The following GTF2IRD1 variants were observed in gnomAD, a reference collection of about 807,000 sequenced individuals.
GTF2IRD1 encodes general transcription factor II-I repeat domain-containing protein 1.
Under a neutral mutation model 113.2 loss-of-function variants are expected in GTF2IRD1, and 26 were observed. That is an observed-to-expected ratio of 0.23 (90% confidence interval 0.17 to 0.32). The LOEUF (loss-of-function observed/expected upper bound fraction) is 0.32. Ranked by LOEUF, GTF2IRD1 falls within the 10% of genes least tolerant of loss-of-function variation. The probability of loss-of-function intolerance (pLI) is 1.00; values close to 1 mark genes in which losing one functional copy is unlikely to be tolerated. For synonymous variants in GTF2IRD1, 484 were observed against 529.1 expected (o/e 0.91, Z 1.17); for missense variants, 864 against 1,280.8 (o/e 0.67, Z 4.97).
rs112672332 is a variant in GTF2IRD1, at chr7:74,456,221, G to A, written c.-7+2045G>A. On this transcript the variant is annotated intron_variant, in intron 1 of 26. Transcript: ENST00000424337. ...TGACTCCAGAGGCCAGGCCATCCAC[G>A]GTTTGGTGACAGCTTGGTTGTTGGA... Among the ~76,000 whole-genome samples, 972 of 152,192 alleles carry A rather than the reference G, an allele frequency of 6.4e-3. 10 individuals carry two copies. The highest frequency in any genetic ancestry group is 0.022 in the African/African-American group (915 of 41,524).
chr7:74,482,958 G>A (rs1399428148), intron 1 of GTF2IRD1, among the ~76,000 whole-genome samples: 8 of 152,200 alleles, frequency 5.3e-5, no homozygotes, highest in Non-Finnish European at 8.8e-5. Flanking sequence ...ACTGCCCATC[G>A]TCAAAGAAAT....
intron 1 of GTF2IRD1, among the ~76,000 whole-genome samples, chr7:74,474,590 G>T (rs1308831348): frequency 6.6e-6 from 1 of 152,200 alleles, no homozygotes; most frequent in African/African-American, 2.4e-5. Flanking sequence ...GCTGGCCCCT[G>T]ACTCTTTGTG....
Position 74,522,900 on chromosome 7 carries a change from C to T in GTF2IRD1, c.1007-1171C>T, listed in dbSNP as rs190834424. ...TAACAAGTTAAAGTTGTTACTTTTACTGATTATAAATGAACCAATGATCAC... is the reference window on the plus strand; with the variant it reads ...TAACAAGTTAAAGTTGTTACTTTTATTGATTATAAATGAACCAATGATCAC... On this transcript the variant is annotated intron_variant, in intron 7 of 26. Transcript: ENST00000424337. 3.9e-5 allele frequency among the ~76,000 whole-genome samples: 6 copies of T among 152,270 alleles called. No homozygotes were observed. In the East Asian group the frequency reaches 1.2e-3, roughly 29 times the overall value.
At chr7:74,590,038 TC>T (rs1554368987) in intron 23 of GTF2IRD1, 110 bp downstream of exon 23, 2 of 668,766 alleles carry the variant, frequency 3.0e-6, no homozygotes, top group Non-Finnish European at 2.7e-6. Context: ...GGCTGCCTGC[TC>T]CCTGGTGACA....
intron 1 of GTF2IRD1, among the ~76,000 whole-genome samples, chr7:74,490,546 C>T (rs4998497): frequency 2.7e-5 from 4 of 149,066 alleles, no homozygotes; most frequent in East Asian, 1.9e-4. Flanking sequence ...AAGGATACCC[C>T]CCCCCCCGCC....
rs782292862 is a variant in GTF2IRD1, at chr7:74,529,724, G to A, written c.1091-10G>A. 75 of 1,613,414 alleles carry A rather than the reference G, an allele frequency of 4.6e-5. No homozygotes were observed. The highest frequency in any genetic ancestry group is 5.9e-5 in the Non-Finnish European group (70 of 1,179,626). On this transcript the variant is annotated splice_polypyrimidine_tract_variant and intron_variant, in intron 8 of 26. Coordinates refer to ENST00000424337, the MANE Select transcript of GTF2IRD1 (RefSeq NM_005685.4). Reference sequence around the variant, plus strand: ...TAACACTCAGCCTTGCTGTTTGGTTGTCTTTCCAGCGGAAGCCCTGGGCCT... The same window carrying A: ...TAACACTCAGCCTTGCTGTTTGGTTATCTTTCCAGCGGAAGCCCTGGGCCT...
intron 22 of GTF2IRD1, among the ~76,000 whole-genome samples, chr7:74,582,225 G>T (rs1554366371): frequency 1.3e-5 from 2 of 152,146 alleles, no homozygotes; most frequent in Non-Finnish European, 2.9e-5. Context: ...CCCCTGCAGG[G>T]CACGGCTAGA....
chr7:74,580,189 A>C (rs1554365733), intron 22 of GTF2IRD1, among the ~76,000 whole-genome samples: 1 of 152,064 alleles, frequency 6.6e-6, no homozygotes, highest in East Asian at 1.9e-4. Flanking sequence ...TCACTCTGTC[A>C]CCCAGGCTGG....
intron 1 of GTF2IRD1, among the ~76,000 whole-genome samples, chr7:74,457,718 A>G (rs1051043341): frequency 2.0e-5 from 3 of 152,000 alleles, no homozygotes; most frequent in Non-Finnish European, 2.9e-5. Context: ...CCAGGGTCAC[A>G]GCCAGGTTCT....
intron 9 of GTF2IRD1, among the ~76,000 whole-genome samples, chr7:74,533,427 G>A (rs1449003064): frequency 4.6e-5 from 7 of 152,160 alleles, no homozygotes; most frequent in African/African-American, 1.4e-4. Context: ...GAGCCACCAC[G>A]CCCGGCTGGT....
At chr7:74,485,880 C>G (rs551411461) in intron 1 of GTF2IRD1, among the ~76,000 whole-genome samples, 7 of 151,998 alleles carry the variant, frequency 4.6e-5, no homozygotes, top group Middle Eastern at 3.4e-3. Flanking sequence ...GAGCTATGAT[C>G]GTGCCTCTGC....
intron 1 of GTF2IRD1, among the ~76,000 whole-genome samples, chr7:74,494,067 C>A (rs1795511815): frequency 6.6e-6 from 1 of 152,136 alleles, no homozygotes; most frequent in Admixed American, 6.6e-5. Context: ...AACCAATAGC[C>A]CAACATTAGC....
intron 22 of GTF2IRD1, among the ~76,000 whole-genome samples, chr7:74,581,745 C>T (rs1224833021): frequency 2.6e-5 from 4 of 152,208 alleles, no homozygotes; most frequent in Non-Finnish European, 4.4e-5. Context: ...CGATGGCTCA[C>T]GCCTGTATCT....
chr7:74,540,046 T>A (rs1266146096), intron 14 of GTF2IRD1, 78 bp downstream of exon 14: 6 of 993,752 alleles, frequency 6.0e-6, no homozygotes, highest in Non-Finnish European at 3.2e-6. Flanking sequence ...GGCCAGGCCG[T>A]CCCCAGGTGT....
At chr7:74,500,319 C>T (rs1795959379) in intron 1 of GTF2IRD1, among the ~76,000 whole-genome samples, 1 of 152,024 alleles carries the variant, frequency 6.6e-6, no homozygotes, top group Non-Finnish European at 1.5e-5. Context: ...TGGCTCTCGC[C>T]TGTAATCCTA....
At chr7:74,554,022 T>C (rs1273227064) in intron 17 of GTF2IRD1, among the ~76,000 whole-genome samples, 1 of 152,064 alleles carries the variant, frequency 6.6e-6, no homozygotes, top group African/African-American at 2.4e-5. Context: ...GGGCACCAAA[T>C]CCTCATCTAC....
intron 22 of GTF2IRD1, among the ~76,000 whole-genome samples, chr7:74,588,349 C>G (rs1801854189): frequency 6.6e-6 from 1 of 151,798 alleles, no homozygotes; most frequent in Non-Finnish European, 1.5e-5. Flanking sequence ...CTCTGGTGAT[C>G]TGCCAATCTC....
intron 15 of GTF2IRD1, 138 bp from the exon 16 acceptor site, chr7:74,545,606 A>G (rs1798875692): frequency 1.5e-6 from 1 of 669,722 alleles, no homozygotes; most frequent in South Asian, 1.7e-5. Flanking sequence ...TGAGGAAATA[A>G]GTTACCCACC....
At chr7:74,551,797 G>A (rs1221546580) in intron 17 of GTF2IRD1, among the ~76,000 whole-genome samples, 2 of 152,088 alleles carry the variant, frequency 1.3e-5, no homozygotes, top group African/African-American at 2.4e-5. Context: ...TTAGCCGGGT[G>A]TGGTGGCGTG....
Sources: allele counts gnomAD v4.1 joint callset (sites outside exome capture counted in the v4.1 genomes callset), GRCh38; gene constraint gnomAD v4.1.1; transcripts MANE v1.5; gene names NCBI Gene and HGNC (gene_info 2026-07-23, HGNC 2026-07-21).